FBXL17: variants seen among roughly 807,000 people sequenced by gnomAD.
FBXL17 encodes F-box and leucine rich repeat protein 17.
A neutral mutation model predicts 66.2 loss-of-function variants in FBXL17; 22 were observed. The ratio of observed to expected loss-of-function variants is 0.33; its 90% CI spans 0.24 to 0.47. FBXL17 has a LOEUF of 0.47. FBXL17 is among the 20% of genes least tolerant of loss of function. FBXL17 has a pLI of 1.00. For synonymous variants in FBXL17, 474 were observed against 400.5 expected, an observed-to-expected ratio of 1.18 and a Z score of -2.19; for missense variants, 878 against 948.2, an observed-to-expected ratio of 0.93 and a Z score of 0.97.
intron 5 of FBXL17, among the ~76,000 whole-genome samples, chr5:108,211,843 C>T (rs1006595633): frequency 6.6e-6 from 1 of 152,044 alleles, no homozygotes; most frequent in South Asian, 2.1e-4. Flanking sequence ...TTGTGGTGTT[C>T]TCTGTATTTC....
chr5:107,892,110 G>C (rs565388441), intron 7 of FBXL17, among the ~76,000 whole-genome samples: 2 of 152,058 alleles, frequency 1.3e-5, no homozygotes, highest in East Asian at 3.9e-4. Context: ...ATAATTTATT[G>C]AATACTATAC....
In FBXL17 at chr5:108,143,778, T is replaced by C. The variant is rs375495294; in HGVS notation, c.1745+42339A>G. On this transcript the variant is annotated intron_variant, in intron 6 of 8. Transcript: ENST00000542267. Reference sequence around the variant, plus strand: ...ACCCAAGACTGCATTCTTAGACTGATACTCATCCTGTCTGTGGATGTGTCT... The same window carrying C: ...ACCCAAGACTGCATTCTTAGACTGACACTCATCCTGTCTGTGGATGTGTCT... Among the ~76,000 whole-genome samples, 23 of 147,536 alleles carry C rather than the reference T, an allele frequency of 1.6e-4. 1 individual carries two copies. The East Asian group carries it at 2.0e-3, about 13-fold the overall frequency.
At chr5:108,302,735 A>C (rs1485359590) in intron 4 of FBXL17, among the ~76,000 whole-genome samples, 3 of 151,862 alleles carry the variant, frequency 2.0e-5, no homozygotes, top group African/African-American at 7.2e-5. Flanking sequence ...TGTATACACT[A>C]ATAGTTTTTC....
intron 4 of FBXL17, among the ~76,000 whole-genome samples, chr5:108,300,543 T>C (rs934594919): frequency 1.3e-5 from 2 of 151,874 alleles, no homozygotes; most frequent in East Asian, 3.9e-4. Context: ...CTTTTTTATA[T>C]TACTTATCTC....
intron 6 of FBXL17, among the ~76,000 whole-genome samples, chr5:108,176,388 G>A (rs914700016): frequency 5.9e-5 from 9 of 152,148 alleles, no homozygotes; most frequent in East Asian, 3.9e-4. Flanking sequence ...AGAAATATCC[G>A]TAATATGATT....
chr5:108,212,228 G>A (rs35910744), intron 5 of FBXL17, among the ~76,000 whole-genome samples: 3,273 of 152,150 alleles, frequency 0.022, 123 homozygotes, highest in African/African-American at 0.075. Context: ...TTAGCGATTC[G>A]TCTAACCTTT....
intron 6 of FBXL17, among the ~76,000 whole-genome samples, chr5:108,162,521 T>A (rs918062197): frequency 6.6e-6 from 1 of 152,084 alleles, no homozygotes; most frequent in African/African-American, 2.4e-5. Context: ...TACAAAAATC[T>A]GGTAAATGAA....
In FBXL17 at chr5:107,879,762, A is replaced by T. The variant is rs1018425370; in HGVS notation, c.1965+1275T>A. On this transcript the variant is annotated intron_variant, in intron 8 of 8. Coordinates refer to ENST00000542267, the MANE Select transcript of FBXL17 (RefSeq NM_001163315.3). ...CCTAATCACCATTTACAAAAGTAGC[A>T]CACATGTGTAAATTAGTACAAGATG... The T allele has an allele frequency of 1.3e-5, 13 of 985,324 alleles. No homozygotes were observed. In the South Asian group the frequency reaches 4.7e-4, roughly 36 times the overall value. The allele number at this position is 985,324 out of a possible 1,614,324, so 61.0% of individuals were successfully genotyped here. A position where few individuals can be genotyped will look rare whatever the true frequency, so the allele number is the denominator to read the frequency against.
intron 4 of FBXL17, among the ~76,000 whole-genome samples, chr5:108,242,082 A>G (rs532788031): frequency 1.3e-5 from 2 of 152,338 alleles, no homozygotes; most frequent in East Asian, 3.9e-4. Context: ...CTGAAGGTAC[A>G]AAACTCACTT....
intron 7 of FBXL17, among the ~76,000 whole-genome samples, chr5:107,966,797 C>A (rs1332495928): frequency 6.6e-6 from 1 of 152,146 alleles, no homozygotes; most frequent in Non-Finnish European, 1.5e-5. Context: ...AATTCCCCAT[C>A]ATTATGAACA....
intron 7 of FBXL17, among the ~76,000 whole-genome samples, chr5:107,993,097 A>G (rs549933700): frequency 0.016 from 2,444 of 152,102 alleles, 67 homozygotes; most frequent in African/African-American, 0.055. Context: ...GGGTTTCACC[A>G]TGTTAGCCAG....
intron 4 of FBXL17, among the ~76,000 whole-genome samples, chr5:108,305,419 CA>C (rs2150186564): frequency 6.6e-6 from 1 of 152,004 alleles, no homozygotes; most frequent in Admixed American, 6.6e-5. Flanking sequence ...ACCACCATGA[CA>C]TAGGTTTACC....
intron 7 of FBXL17, among the ~76,000 whole-genome samples, chr5:107,928,751 G>C (rs1339005211): frequency 6.6e-6 from 1 of 152,036 alleles, no homozygotes; most frequent in African/African-American, 2.4e-5. Context: ...CTAATCTTTT[G>C]AGTCCTAGTC....
At position 108,283,052 on chromosome 5, in the gene FBXL17, A is replaced by G. The variant is rs181722197; in HGVS notation, c.1507-58824T>C. On this transcript the variant is annotated intron_variant, in intron 4 of 8. Transcript: ENST00000542267. Reference sequence around the variant, plus strand: ...CCCATGCTCACAGATCAAATGAATTAATATCATTAAATGGCCCACACTGCC... The same window carrying G: ...CCCATGCTCACAGATCAAATGAATTGATATCATTAAATGGCCCACACTGCC... Among the ~76,000 whole-genome samples, 18 of 151,894 alleles carry G rather than the reference A, an allele frequency of 1.2e-4. 1 individual carries two copies. The highest frequency in any genetic ancestry group is 4.3e-4 in the African/African-American group (18 of 41,540).
At chr5:108,207,644 G>C (rs1426415360) in intron 5 of FBXL17, among the ~76,000 whole-genome samples, 6 of 152,234 alleles carry the variant, frequency 3.9e-5, no homozygotes, top group African/African-American at 1.4e-4. Flanking sequence ...ACCCTGCAAA[G>C]GACATGAACT....
At chr5:108,341,926 C>T (rs9326725) in intron 4 of FBXL17, among the ~76,000 whole-genome samples, 63,952 of 151,994 alleles carry the variant, frequency 0.42, 14,251 homozygotes, top group Non-Finnish European at 0.5. Flanking sequence ...ATGTCACTTA[C>T]TATTTATAGG....
intron 4 of FBXL17, among the ~76,000 whole-genome samples, chr5:108,309,296 T>C (rs768432517): frequency 7.9e-5 from 12 of 152,052 alleles, no homozygotes; most frequent in Admixed American, 4.6e-4. Context: ...TGTACATACA[T>C]GTATTAACAA....
intron 4 of FBXL17, among the ~76,000 whole-genome samples, chr5:108,306,437 G>A (rs1037343612): frequency 4.6e-5 from 7 of 151,958 alleles, no homozygotes; most frequent in African/African-American, 9.7e-5. Context: ...CATACTACCC[G>A]GTTTCTAACC....
chr5:107,953,600 C>T (rs533911256), intron 7 of FBXL17, among the ~76,000 whole-genome samples: 4 of 152,204 alleles, frequency 2.6e-5, no homozygotes, highest in African/African-American at 9.6e-5. Flanking sequence ...TGCCTTCTTA[C>T]TAGACTTCAC....
Sources: gnomAD v4.1 joint callset for allele counts (sites outside exome capture counted in the v4.1 genomes callset) on GRCh38, gnomAD v4.1.1 for gene constraint, MANE v1.5 for transcripts, NCBI Gene and HGNC (gene_info 2026-07-23, HGNC 2026-07-21) for gene names.